The following CLVS2 variants were observed in gnomAD, a reference collection of about 807,000 sequenced individuals.
CLVS2 encodes clavesin 2.
CLVS2 carries 19 observed loss-of-function variants against 29.0 expected under a neutral mutation model. The observed-to-expected ratio is 0.66, with a 90% confidence interval of 0.46 to 0.96. The LOEUF is 0.96. Ranked by LOEUF, CLVS2 falls within the 40% of genes least tolerant of loss-of-function variation. CLVS2 has a pLI of 0.00. For missense variants in CLVS2, 294 were observed against 404.1 expected (o/e 0.73, Z 2.34); for synonymous variants, 161 against 151.3 (o/e 1.06, Z -0.47).
At chr6:123,054,909 A>G (rs558176261) in intron 4 of CLVS2, among the ~76,000 whole-genome samples, 1 of 152,204 alleles carries the variant, frequency 6.6e-6, no homozygotes, top group South Asian at 2.1e-4. Context: ...AGAGTCATCT[A>G]TTATACCCAT....
intron 3 of CLVS2, among the ~76,000 whole-genome samples, chr6:123,013,784 A>G (rs796533897): frequency 1.3e-5 from 2 of 151,774 alleles, no homozygotes; most frequent in African/African-American, 4.8e-5. Flanking sequence ...AGCATTAGGT[A>G]TATCTCCTAA....
At chr6:123,018,063 G>A (rs185319681) in intron 3 of CLVS2, among the ~76,000 whole-genome samples, 1 of 152,038 alleles carries the variant, frequency 6.6e-6, no homozygotes, top group Non-Finnish European at 1.5e-5. Flanking sequence ...GTAACACAAA[G>A]GAAAGAAGAA....
chr6:123,053,742 TG>T lies in CLVS2; in HGVS notation c.676-2058del, dbSNP rs1772648932. ...CCGAGAGAGGTTTTATGTGTCTGTG[TG>T]GGGGGCGTGGAGTCAGGATGTTCTT... On this transcript the variant is annotated intron_variant, in intron 4 of 5. Coordinates refer to ENST00000275162, the MANE Select transcript of CLVS2 (RefSeq NM_001010852.4). Among the ~76,000 whole-genome samples, 3 of 152,114 alleles carry T rather than the reference TG, an allele frequency of 2.0e-5. No homozygotes were observed. The South Asian group carries it at 6.2e-4, about 32-fold the overall frequency.
rs1296414668 is a variant in CLVS2, at chr6:123,067,504, T to C, written c.*3743T>C. The C allele has an allele frequency of 6.6e-6, 1 of 151,682 alleles. No individual in the cohort carries two copies. Among genetic ancestry groups the C allele is most frequent in the African/African-American group, 2.4e-5 (1 of 41,402 alleles). 9.4% of individuals were successfully genotyped at this position (151,682 alleles called of 1,614,324 possible). ...GTTGGTGAATAATATCTCAGCTTCTTTTTTTGTGTATATTTATTAATGATT... is the reference window on the plus strand; with the variant it reads ...GTTGGTGAATAATATCTCAGCTTCTCTTTTTGTGTATATTTATTAATGATT... On this transcript the variant is annotated 3_prime_UTR_variant, in exon 6 of 6. Transcript: ENST00000275162.
At chr6:123,010,555 T>G (rs566354954) in intron 2 of CLVS2, among the ~76,000 whole-genome samples, 71 of 152,076 alleles carry the variant, frequency 4.7e-4, no homozygotes, top group Non-Finnish European at 8.5e-4. Flanking sequence ...TATTGATAGC[T>G]GTCATGTACA....
intron 3 of CLVS2, among the ~76,000 whole-genome samples, chr6:123,040,769 A>AAAAAG (rs79565060): frequency 0.088 from 12,898 of 145,996 alleles, 651 homozygotes; most frequent in African/African-American, 0.099. Context: ...CTCCGTCTCA[A>AAAAAG]AAAAGAAAAG....
At chr6:123,015,414 T>C (rs1774812814) in intron 3 of CLVS2, among the ~76,000 whole-genome samples, 1 of 152,058 alleles carries the variant, frequency 6.6e-6, no homozygotes, top group South Asian at 2.1e-4. Context: ...ATAATTATAA[T>C]AGTCTCATTT....
At chr6:123,053,226 C>T (rs1299400911) in intron 4 of CLVS2, among the ~76,000 whole-genome samples, 1 of 152,062 alleles carries the variant, frequency 6.6e-6, no homozygotes, top group Non-Finnish European at 1.5e-5. Context: ...CGCCTGTAGT[C>T]CCAGCTACTC....
intron 3 of CLVS2, among the ~76,000 whole-genome samples, chr6:123,025,879 C>G (rs1774993752): frequency 6.6e-6 from 1 of 152,068 alleles, no homozygotes; most frequent in South Asian, 2.1e-4. Context: ...GAGTTTTGCT[C>G]CTGAGATCAC....
In CLVS2 at chr6:123,067,172, A is replaced by AAT. The variant is rs1158312880; in HGVS notation, c.*3413_*3414dup. ...TCATACATTAATACTTAGCTTTTTT[A>AAT]ATACTGTTAACTAGGTCATATTGTT... On this transcript the variant is annotated 3_prime_UTR_variant, in exon 6 of 6. Transcript: ENST00000275162. 6.6e-6 allele frequency: 1 copy of AAT among 151,778 alleles called. No individual in the cohort carries two copies. Among genetic ancestry groups the AAT allele is most frequent in the Non-Finnish European group, 1.5e-5 (1 of 67,762 alleles). 9.4% of individuals were successfully genotyped at this position (151,778 alleles called of 1,614,324 possible).
At chr6:123,014,659 G>A (rs1774800312) in intron 3 of CLVS2, among the ~76,000 whole-genome samples, 2 of 151,990 alleles carry the variant, frequency 1.3e-5, no homozygotes, top group South Asian at 4.1e-4. Flanking sequence ...TAATTGATGT[G>A]GATCAGCTCA....
intron 2 of CLVS2, 88 bp downstream of exon 2, chr6:122,998,254 G>C: frequency 6.9e-7 from 1 of 1,441,880 alleles, no homozygotes; most frequent in Non-Finnish European, 9.3e-7. Flanking sequence ...TTGTAGATTT[G>C]ATATTTTTGT....
intron 3 of CLVS2, among the ~76,000 whole-genome samples, chr6:123,025,496 T>C (rs1774988166): frequency 6.6e-6 from 1 of 152,100 alleles, no homozygotes; most frequent in Non-Finnish European, 1.5e-5. Context: ...ATGAAGCAAG[T>C]GAATCTGAGT....
chr6:123,031,470 G>A (rs571284560), intron 3 of CLVS2, among the ~76,000 whole-genome samples: 1 of 152,244 alleles, frequency 6.6e-6, no homozygotes, highest in Non-Finnish European at 1.5e-5. Context: ...AATAATAACT[G>A]TATCATTTAC....
Position 123,047,224 on chromosome 6 carries a change from A to T in CLVS2, c.565-1398A>T, listed in dbSNP as rs1025998398. ...AAGATATATGAGTATTTGTCTTAGT[A>T]TTCTCTTATTTAGGTATATACTATC... On this transcript the variant is annotated intron_variant, in intron 3 of 5. Transcript: ENST00000275162. Among the ~76,000 whole-genome samples, 5 of 152,028 alleles carry T rather than the reference A, an allele frequency of 3.3e-5. No homozygotes were observed. The East Asian group carries it at 9.6e-4, about 29-fold the overall frequency.
rs1057112791 is a variant in CLVS2, at chr6:123,040,603, G to A, written c.565-8019G>A. Among the ~76,000 whole-genome samples the A allele has an allele frequency of 2.6e-5, 4 of 152,192 alleles. No individual in the cohort carries two copies. The East Asian group carries it at 7.7e-4, about 29-fold the overall frequency. On this transcript the variant is annotated intron_variant, in intron 3 of 5. Coordinates refer to ENST00000275162, the MANE Select transcript of CLVS2 (RefSeq NM_001010852.4). ...AGGTCAGGAGTTCAAGACCAGCCTG[G>A]CCAAGATGGTGAAACCCTGTCTCTA...
chr6:123,018,160 G>A (rs906792342), intron 3 of CLVS2, among the ~76,000 whole-genome samples: 1 of 152,044 alleles, frequency 6.6e-6, no homozygotes, highest in African/African-American at 2.4e-5. Context: ...CAAAGCATAT[G>A]AACTACTCTG....
intron 2 of CLVS2, among the ~76,000 whole-genome samples, chr6:122,998,685 T>G (rs1293107398): frequency 6.6e-6 from 1 of 152,166 alleles, no homozygotes; most frequent in Admixed American, 6.5e-5. Flanking sequence ...GTTCTCTGTT[T>G]GGTGATGTGT....
chr6:123,055,973 C>T lies in CLVS2; in HGVS notation c.843C>T (p.Tyr281=), dbSNP rs1772688005. The part of the protein sequence containing the change: ...DDDSEYNVDS[Y]SMPVKEVEKE... ...ACAGCGAGTACAATGTAGACTCCTA[C>T]AGCATGCCTGTGAAGGAAGTAGAGA... is the stretch of plus-strand genomic sequence containing the variant. Residue 281 remains tyrosine (Y), a synonymous_variant, in exon 5 of 6, where the codon TAC becomes TAT. Transcript: ENST00000275162. The T allele has an allele frequency of 6.2e-7, 1 of 1,614,006 alleles. No homozygotes were observed. Among genetic ancestry groups the T allele is most frequent in the Non-Finnish European group, 8.5e-7 (1 of 1,179,982 alleles).
Sources: allele counts gnomAD v4.1 joint callset (sites outside exome capture counted in the v4.1 genomes callset), GRCh38; gene constraint gnomAD v4.1.1; transcripts MANE v1.5; gene names NCBI Gene and HGNC (gene_info 2026-07-23, HGNC 2026-07-21).